Variants in ST7L observed in about 807,000 individuals in gnomAD.
ST7L encodes suppressor of tumorigenicity 7 protein-like.
ST7L carries 57 observed loss-of-function variants against 72.5 expected under a neutral mutation model. The observed-to-expected ratio is 0.79, with a 90% confidence interval of 0.64 to 0.98. ST7L has a LOEUF of 0.98. Ranked by LOEUF, ST7L falls within the 50% of genes least tolerant of loss-of-function variation. The probability of loss-of-function intolerance (pLI) is 0.00; values close to 1 mark genes in which losing one functional copy is unlikely to be tolerated. For synonymous variants in ST7L, 221 were observed against 240.9 expected, an observed-to-expected ratio of 0.92 and a Z score of 0.77; for missense variants, 576 against 672.2, an observed-to-expected ratio of 0.86 and a Z score of 1.58.
In ST7L at chr1:112,583,952, A is replaced by C; in HGVS notation, c.856+20T>G. ...TTACAGATGCTAAAAGACAGTAATA[A>C]CCAGTTCAAACTTGCTTACTCAGTT... On this transcript the variant is annotated intron_variant, in intron 7 of 14. Coordinates refer to ENST00000358039, the MANE Select transcript of ST7L (RefSeq NM_017744.5). 1 of 1,608,878 alleles carries C rather than the reference A, an allele frequency of 6.2e-7. No individual in the cohort carries two copies. Among genetic ancestry groups the C allele is most frequent in the East Asian group, 2.2e-5 (1 of 44,798 alleles).
In ST7L at chr1:112,551,759, C is replaced by A. The variant is rs376066421; in HGVS notation, c.1397-1066G>T. On this transcript the variant is annotated intron_variant, in intron 12 of 14. Coordinates refer to ENST00000358039, the MANE Select transcript of ST7L (RefSeq NM_017744.5). Reference sequence around the variant, plus strand: ...ATTGATCTATTCCATTAGCTAAGTACATAAATCTTTAACGTTGTCAATAGG... The same window carrying A: ...ATTGATCTATTCCATTAGCTAAGTAAATAAATCTTTAACGTTGTCAATAGG... Among the ~76,000 whole-genome samples, 11 of 152,222 alleles carry A rather than the reference C, an allele frequency of 7.2e-5. No homozygotes were observed. The East Asian group carries it at 1.2e-3, about 16-fold the overall frequency.
chr1:112,600,046 A>G (rs1558042120), intron 4 of ST7L, among the ~76,000 whole-genome samples: 1 of 148,420 alleles, frequency 6.7e-6, no homozygotes, highest in East Asian at 2.0e-4. Flanking sequence ...TCTACCAAAA[A>G]TTTTTTTTTT....
At chr1:112,616,965 G>T (rs1371927172) in intron 1 of ST7L, 70 bp from the exon 2 acceptor site, 31 of 1,035,364 alleles carry the variant, frequency 3.0e-5, no homozygotes, top group Middle Eastern at 2.3e-4. Context: ...AAATATGCAA[G>T]TATCTTTATG....
At chr1:112,615,301 G>A (rs971162020) in intron 2 of ST7L, among the ~76,000 whole-genome samples, 4 of 152,180 alleles carry the variant, frequency 2.6e-5, no homozygotes, top group African/African-American at 9.6e-5. Flanking sequence ...TTTCTTAATT[G>A]TGAGAATTCT....
chr1:112,618,237 C>A, intron 1 of ST7L: 1 of 1,123,744 alleles, frequency 8.9e-7, no homozygotes, highest in Non-Finnish European at 1.1e-6. Context: ...TCAGGATCAT[C>A]ACTTCTTACA....
chr1:112,569,280 C>T (rs1432982576), intron 11 of ST7L, among the ~76,000 whole-genome samples: 3 of 152,180 alleles, frequency 2.0e-5, no homozygotes, highest in Non-Finnish European at 4.4e-5. Flanking sequence ...ATGTTCATAA[C>T]AGCATTATTC....
chr1:112,591,176 C>G (rs371703476), intron 6 of ST7L, among the ~76,000 whole-genome samples: 2 of 152,248 alleles, frequency 1.3e-5, no homozygotes, highest in South Asian at 2.1e-4. Context: ...CATGATCCGC[C>G]TGCCTCGGCC....
At chr1:112,542,438 T>G (rs1212602490) in intron 13 of ST7L, among the ~76,000 whole-genome samples, 1 of 152,168 alleles carries the variant, frequency 6.6e-6, no homozygotes, top group Non-Finnish European at 1.5e-5. Context: ...TATGGAGAGT[T>G]GTAATGATGA....
intron 4 of ST7L, among the ~76,000 whole-genome samples, chr1:112,600,386 A>G (rs1292062060): frequency 6.6e-6 from 1 of 151,998 alleles, no homozygotes; most frequent in Non-Finnish European, 1.5e-5. Context: ...CTGCCTATGG[A>G]GTAGCGATTC....
intron 13 of ST7L, among the ~76,000 whole-genome samples, chr1:112,548,931 G>A (rs895732224): frequency 3.3e-5 from 5 of 151,214 alleles, no homozygotes; most frequent in East Asian, 3.9e-4. Flanking sequence ...TTTTCAATTC[G>A]TTCTTCTTCA....
intron 14 of ST7L, among the ~76,000 whole-genome samples, chr1:112,534,907 G>T (rs1310014373): frequency 1.3e-5 from 2 of 152,028 alleles, no homozygotes; most frequent in Non-Finnish European, 2.9e-5. Context: ...TTAGCAATGA[G>T]ATTTTCACTT....
chr1:112,538,150 T>C (rs1655504632), intron 14 of ST7L, among the ~76,000 whole-genome samples: 1 of 152,202 alleles, frequency 6.6e-6, no homozygotes, highest in Non-Finnish European at 1.5e-5. Flanking sequence ...GTAGAACAAG[T>C]ATGTCTCAAA....
At chr1:112,587,225 T>A (rs1488542153) in intron 6 of ST7L, among the ~76,000 whole-genome samples, 1 of 152,206 alleles carries the variant, frequency 6.6e-6, no homozygotes, top group Non-Finnish European at 1.5e-5. Flanking sequence ...CCTTTATGCT[T>A]TTATGTATGT....
intron 11 of ST7L, among the ~76,000 whole-genome samples, chr1:112,569,775 G>A (rs1661737896): frequency 6.6e-6 from 1 of 152,074 alleles, no homozygotes; most frequent in Non-Finnish European, 1.5e-5. Context: ...TGGCTAACAT[G>A]GTGAAACCCC....
rs2101114125 is a variant in ST7L at position 112,524,036 on chromosome 1, T to C, written c.*1977A>G. 6.6e-6 allele frequency: 1 copy of C among 152,198 alleles called. No homozygotes were observed. Among genetic ancestry groups the C allele is most frequent in the East Asian group, 1.9e-4 (1 of 5,168 alleles). 9.4% of individuals were successfully genotyped at this position (152,198 alleles called of 1,614,324 possible). On this transcript the variant is annotated 3_prime_UTR_variant, in exon 15 of 15. Coordinates refer to ENST00000358039, the MANE Select transcript of ST7L (RefSeq NM_017744.5). ...AAAAAACAAAAAACAAAAACAAACATTGCCTGGCCCTGAGGGTCTGTTTGC... is the reference window on the plus strand; with the variant it reads ...AAAAAACAAAAAACAAAAACAAACACTGCCTGGCCCTGAGGGTCTGTTTGC...
chr1:112,545,994 C>T (rs1284258943), intron 13 of ST7L, among the ~76,000 whole-genome samples: 1 of 152,064 alleles, frequency 6.6e-6, no homozygotes, highest in East Asian at 1.9e-4. Flanking sequence ...GGAATAAACA[C>T]CTGGATAAAT....
downstream of ST7L, chr1:112,523,349 A>G (rs1468228643): frequency 1.3e-5 from 2 of 152,256 alleles, no homozygotes; most frequent in African/African-American, 2.4e-5. Flanking sequence ...AGAGAGGTGC[A>G]TAAGAGAGAA....
At chr1:112,536,843 G>C (rs1038977283) in intron 14 of ST7L, among the ~76,000 whole-genome samples, 3 of 152,112 alleles carry the variant, frequency 2.0e-5, no homozygotes, top group African/African-American at 7.2e-5. Context: ...CCGCAGCACA[G>C]CTACAATATG....
At chr1:112,598,551 A>G (rs576668638) in intron 4 of ST7L, among the ~76,000 whole-genome samples, 1 of 151,980 alleles carries the variant, frequency 6.6e-6, no homozygotes, top group South Asian at 2.1e-4. Flanking sequence ...AGAGCTCAAG[A>G]CTAGCTTGAG....
Sources: allele counts gnomAD v4.1 joint callset (sites outside exome capture counted in the v4.1 genomes callset), GRCh38; gene constraint gnomAD v4.1.1; transcripts MANE v1.5; gene names NCBI Gene and HGNC (gene_info 2026-07-23, HGNC 2026-07-21).